The following TET2 variants were observed in gnomAD, a reference collection of about 807,000 sequenced individuals.
The protein encoded by TET2 is methylcytosine dioxygenase TET2.
In TET2, 299 loss-of-function variants were observed where a neutral mutation model predicts 142.9. The observed-to-expected ratio is 2.09, with a 90% CI of 1.90 to 2.30. The LOEUF is 2.30. Ranked by LOEUF, TET2 falls within the 30% of genes most tolerant of loss-of-function variation. The pLI is 0.00. For missense variants in TET2, 2,418 were observed against 2,378.0 expected (o/e 1.02, Z -0.35); for synonymous variants, 819 against 849.0 (o/e 0.96, Z 0.61).
chr4:105,213,921 G>A (rs1364666184), intron 2 of TET2, among the ~76,000 whole-genome samples: 2 of 152,052 alleles, frequency 1.3e-5, no homozygotes, highest in African/African-American at 4.8e-5. Context: ...GTACAGTGGT[G>A]CAATCTCTGC....
intron 4 of TET2, 145 bp from the exon 5 acceptor site, chr4:105,242,689 T>A: frequency 6.9e-7 from 1 of 1,441,572 alleles, no homozygotes; most frequent in Non-Finnish European, 9.1e-7. Context: ...TTGCTTGGCG[T>A]AGACCTGTTT....
chr4:105,234,905 A>G lies in TET2; in HGVS notation c.963A>G (p.Gln321=). The change falls in exon 3 of 11, where the codon CAA becomes CAG. Residue 321 remains glutamine (Q), a synonymous_variant. Coordinates refer to ENST00000380013, the MANE Select transcript of TET2 (RefSeq NM_001127208.3). ...LNTCSFQKPE[Q]LQQQKSVFEI... ...CCTGTTCCTTTCAGAAACCAGAACA[A>G]CTACAACAACAAAAATCAGTTTTTG... 1 of 1,614,176 alleles carries G rather than the reference A, an allele frequency of 6.2e-7. No individual in the cohort carries two copies. Among genetic ancestry groups the G allele is most frequent in the South Asian group, 1.1e-5 (1 of 91,082 alleles).
chr4:105,243,127 T>A (rs55838312), intron 5 of TET2, among the ~76,000 whole-genome samples, 200 bp downstream of exon 5: 1 of 152,062 alleles, frequency 6.6e-6, no homozygotes, highest in South Asian at 2.1e-4. Flanking sequence ...TTGAAATAAT[T>A]TAGTGATGAG....
intron 2 of TET2, among the ~76,000 whole-genome samples, chr4:105,228,713 A>G (rs1728324492): frequency 6.6e-6 from 1 of 152,112 alleles, no homozygotes; most frequent in Admixed American, 6.5e-5. Flanking sequence ...TTACCAAAAG[A>G]AAAGTGCCTT....
At chr4:105,242,564 A>G in intron 4 of TET2, 3 of 1,186,510 alleles carry the variant, frequency 2.5e-6, no homozygotes, top group Non-Finnish European at 3.2e-6. Context: ...GTGAAATTTT[A>G]TATCGAAATG....
At chr4:105,259,956 G>T (rs894780692) in intron 7 of TET2, among the ~76,000 whole-genome samples, 187 bp downstream of exon 7, 8 of 152,096 alleles carry the variant, frequency 5.3e-5, no homozygotes, top group Non-Finnish European at 1.2e-4. Context: ...GATAAAATTT[G>T]AGCAACAAAA....
In TET2 at chr4:105,236,293, G is replaced by T. The variant is rs1320783863; in HGVS notation, c.2351G>T (p.Cys784Phe). The T allele has an allele frequency of 6.2e-7, 1 of 1,613,962 alleles. No homozygotes were observed. The highest frequency in any genetic ancestry group is 8.5e-7 in the Non-Finnish European group (1 of 1,180,016). ...SFFGQTKVEE[C>F]FHGENQYSKS... ...TTTGGCCAGACTAAAGTGGAAGAAT[G>T]TTTTCATGGTGAAAATCAGTATTCA... Residue 784 changes from cysteine (C) to phenylalanine (F), a missense_variant, in exon 3 of 11, where the codon TGT (cysteine) becomes TTT (phenylalanine). Cys to Phe is a radical substitution (Grantham distance 205, BLOSUM62 -2). Transcript: ENST00000380013.
At chr4:105,198,351 TAAATA>T (rs1726217320) in intron 2 of TET2, among the ~76,000 whole-genome samples, 1 of 152,074 alleles carries the variant, frequency 6.6e-6, no homozygotes, top group African/African-American at 2.4e-5. Flanking sequence ...AATAAATAAA[TAAATA>T]AAATACATAA....
At chr4:105,249,068 C>T (rs901150558) in intron 6 of TET2, among the ~76,000 whole-genome samples, 4 of 148,542 alleles carry the variant, frequency 2.7e-5, no homozygotes, top group African/African-American at 5.0e-5. Flanking sequence ...CGCTCTGTTG[C>T]CCAGGCTAGG....
intron 6 of TET2, among the ~76,000 whole-genome samples, chr4:105,259,156 C>T (rs193048641): frequency 4.6e-5 from 7 of 152,162 alleles, no homozygotes; most frequent in East Asian, 1.9e-4. Flanking sequence ...GAGGCTGAGG[C>T]GGGAAGATCA....
At position 105,259,724 on chromosome 4, in the gene TET2, C is replaced by T; in HGVS notation, c.3909C>T (p.Ser1303=). ...ACAATGGATGTAAGTTTGCCAGAAG[C>T]AAGATCCCAAGGAAGTTTAAGCTGC... ...MYYNGCKFAR[S]KIPRKFKLLG... Residue 1303 remains serine (S), a synonymous_variant, in exon 7 of 11, where the codon AGC becomes AGT. Transcript: ENST00000380013. 7.7e-6 allele frequency: 12 copies of T among 1,550,998 alleles called. No individual in the cohort carries two copies. The highest frequency in any genetic ancestry group is 1.0e-5 in the Non-Finnish European group (12 of 1,146,538).
intron 6 of TET2, among the ~76,000 whole-genome samples, chr4:105,257,419 C>T (rs1234035422): frequency 6.6e-6 from 1 of 152,030 alleles, no homozygotes; most frequent in Admixed American, 6.6e-5. Context: ...CATAGATAGC[C>T]ATCGAAGTCT....
At chr4:105,159,235 T>TTTTC (rs1414495315) in intron 1 of TET2, among the ~76,000 whole-genome samples, 98 of 151,718 alleles carry the variant, frequency 6.5e-4, no homozygotes, top group Admixed American at 3.9e-3. Context: ...AGATTAATCT[T>TTTTC]TTTCTTTCTT....
rs375685080 is a variant in TET2, at chr4:105,268,888, G to T, written c.4045-722G>T. 2.0e-5 allele frequency among the ~76,000 whole-genome samples: 3 copies of T among 152,194 alleles called. No homozygotes were observed. The East Asian group carries it at 5.8e-4, about 29-fold the overall frequency. The stretch of plus-strand genomic sequence containing the variant: ...CTTGGGAGGTTGAGGCCTGAGAATC[G>T]CTTGAATCCAGGAGGCAGAGGTTGC... On this transcript the variant is annotated intron_variant, in intron 8 of 10. Coordinates refer to ENST00000380013, the MANE Select transcript of TET2 (RefSeq NM_001127208.3).
At chr4:105,156,340 A>C (rs1003988572) in intron 1 of TET2, among the ~76,000 whole-genome samples, 1 of 152,244 alleles carries the variant, frequency 6.6e-6, no homozygotes. Context: ...GCCTATGTTC[A>C]GGCATAGAAA....
Position 105,276,516 on chromosome 4 carries a change from A to G in TET2, c.6006A>G (p.Ile2002Met). ...TCACAGGGCCTTACAACAGATATAT[A>G]TGATATCACCCCCTTTTGTTGGTTA... is the stretch of plus-strand genomic sequence containing the variant. The part of the protein sequence containing the change: ...TRVTGPYNRY[I>M] Residue 2002 changes from isoleucine to methionine, a missense_variant, in exon 11 of 11, where the codon ATA (isoleucine) becomes ATG (methionine). Ile to Met is a conservative substitution (Grantham distance 10, BLOSUM62 1). Transcript: ENST00000380013. 1 of 1,548,130 alleles carries G rather than the reference A, an allele frequency of 6.5e-7. No individual in the cohort carries two copies. The highest frequency in any genetic ancestry group is 8.7e-7 in the Non-Finnish European group (1 of 1,144,658).
At chr4:105,268,500 A>G (rs529643947) in intron 8 of TET2, among the ~76,000 whole-genome samples, 3 of 152,370 alleles carry the variant, frequency 2.0e-5, no homozygotes, top group African/African-American at 7.2e-5. Flanking sequence ...TGATGTTTCA[A>G]AACCCCAGCA....
chr4:105,261,757 A>T lies in TET2; in HGVS notation c.3955-2A>T. 6.5e-7 allele frequency: 1 copy of T among 1,531,920 alleles called. No homozygotes were observed. Among genetic ancestry groups the T allele is most frequent in the Non-Finnish European group, 8.8e-7 (1 of 1,130,622 alleles). 94.9% of individuals were successfully genotyped at this position (1,531,920 alleles called of 1,614,324 possible). A position where few individuals can be genotyped will look rare whatever the true frequency, so the allele number is the denominator to read the frequency against. Reference sequence around the variant, plus strand: ...ATATGTAGAATTATTCACTTTATACAGGAAGAGAAACTGGAGTCTCATTTG... The same window carrying T: ...ATATGTAGAATTATTCACTTTATACTGGAAGAGAAACTGGAGTCTCATTTG... On this transcript the variant is annotated splice_acceptor_variant, in intron 7 of 10. Transcript: ENST00000380013. LOFTEE classifies it high-confidence loss of function.
chr4:105,161,234 A>G (rs1239341772), intron 1 of TET2, among the ~76,000 whole-genome samples: 1 of 152,216 alleles, frequency 6.6e-6, no homozygotes, highest in Non-Finnish European at 1.5e-5. Flanking sequence ...AATAAAATCT[A>G]AGGATAGATA....
Sources: allele counts gnomAD v4.1 joint callset (sites outside exome capture counted in the v4.1 genomes callset), GRCh38; gene constraint gnomAD v4.1.1; transcripts MANE v1.5; gene names NCBI Gene and HGNC (gene_info 2026-07-23, HGNC 2026-07-21).